Variants in DCDC1 observed in about 807,000 individuals in gnomAD.
DCDC1 encodes doublecortin domain containing 1, also known as doublecortin domain-containing protein 1.
In DCDC1, 200 loss-of-function variants were observed where a neutral mutation model predicts 178.3. The ratio of observed to expected loss-of-function variants is 1.12; its 90% confidence interval spans 1.00 to 1.26. DCDC1 has a LOEUF of 1.26. Ranked by LOEUF, DCDC1 falls within the 50% of genes most tolerant of loss-of-function variation. The pLI is 0.00. For missense variants in DCDC1, 1,983 were observed against 1,749.2 expected, an observed-to-expected ratio of 1.13 and a Z score of -2.38; for synonymous variants, 690 against 604.8, an observed-to-expected ratio of 1.14 and a Z score of -2.07.
chr11:31,059,061 G>A (rs1015204087), intron 20 of DCDC1, among the ~76,000 whole-genome samples: 5 of 151,946 alleles, frequency 3.3e-5, no homozygotes, highest in Non-Finnish European at 5.9e-5. Flanking sequence ...ATAGTACATC[G>A]TGAAAATGGA....
intron 10 of DCDC1, among the ~76,000 whole-genome samples, chr11:31,131,688 C>T (rs1316564697): frequency 6.6e-6 from 1 of 152,180 alleles, no homozygotes; most frequent in African/African-American, 2.4e-5. Flanking sequence ...AATACTGGTC[C>T]TCTCTGAACC....
At chr11:31,203,082 A>C (rs1971476788) in intron 9 of DCDC1, among the ~76,000 whole-genome samples, 1 of 152,180 alleles carries the variant, frequency 6.6e-6, no homozygotes. Context: ...AAAAATAACC[A>C]AAATTTTCAC....
intron 20 of DCDC1, among the ~76,000 whole-genome samples, chr11:31,045,637 C>T (rs1238554403): frequency 6.6e-6 from 1 of 152,084 alleles, no homozygotes; most frequent in African/African-American, 2.4e-5. Flanking sequence ...TCTAATGGTA[C>T]CATTCTTTCA....
intron 22 of DCDC1, among the ~76,000 whole-genome samples, chr11:30,930,787 A>G (rs1363137328): frequency 6.6e-6 from 1 of 152,178 alleles, no homozygotes; most frequent in Non-Finnish European, 1.5e-5. Context: ...TTACTTTTGA[A>G]GAGTCATACA....
intron 9 of DCDC1, among the ~76,000 whole-genome samples, chr11:31,227,194 G>T (rs1291771960): frequency 6.6e-6 from 1 of 152,148 alleles, no homozygotes; most frequent in Non-Finnish European, 1.5e-5. Context: ...AGTATATAAA[G>T]AAAAGAGGTT....
intron 20 of DCDC1, among the ~76,000 whole-genome samples, chr11:30,992,145 G>C (rs1951025957): frequency 6.6e-6 from 1 of 152,074 alleles, no homozygotes; most frequent in South Asian, 2.1e-4. Context: ...CTTCCCATAA[G>C]GTCTCATTTG....
At chr11:31,154,932 T>C (rs1353987041) in intron 9 of DCDC1, among the ~76,000 whole-genome samples, 4 of 152,214 alleles carry the variant, frequency 2.6e-5, no homozygotes, top group Non-Finnish European at 5.9e-5. Context: ...GTGTTCAGCC[T>C]TGTGTTCTGC....
intron 20 of DCDC1, among the ~76,000 whole-genome samples, chr11:31,042,979 T>C (rs1954576518): frequency 6.6e-6 from 1 of 152,188 alleles, no homozygotes; most frequent in Non-Finnish European, 1.5e-5. Flanking sequence ...TAGGCGACTT[T>C]GTAATTGTGA....
intron 20 of DCDC1, among the ~76,000 whole-genome samples, chr11:31,004,518 GAAAAAA>G (rs11461869): frequency 7.2e-6 from 1 of 138,266 alleles, no homozygotes; most frequent in Non-Finnish European, 1.6e-5. Flanking sequence ...CTAAACATAC[GAAAAAA>G]AAAAAAAAAT....
intron 8 of DCDC1, among the ~76,000 whole-genome samples, chr11:31,260,767 A>C (rs1944726182): frequency 6.6e-6 from 1 of 152,200 alleles, no homozygotes; most frequent in Non-Finnish European, 1.5e-5. Context: ...CAAAGAAGTT[A>C]AGAGATCAAA....
At chr11:31,312,217 A>C (rs1948812470) in intron 3 of DCDC1, among the ~76,000 whole-genome samples, 1 of 152,174 alleles carries the variant, frequency 6.6e-6, no homozygotes, top group Non-Finnish European at 1.5e-5. Flanking sequence ...CCATATTGAC[A>C]ATGATAGTAA....
chr11:30,884,925 C>T (rs747635515), intron 36 of DCDC1, among the ~76,000 whole-genome samples: 5 of 151,930 alleles, frequency 3.3e-5, no homozygotes, highest in African/African-American at 9.7e-5. Context: ...GATGATTTTA[C>T]GATGTTGAAC....
At chr11:30,988,276 C>A (rs562396700) in intron 20 of DCDC1, among the ~76,000 whole-genome samples, 49 of 151,934 alleles carry the variant, frequency 3.2e-4, no homozygotes, top group Admixed American at 1.5e-3. Flanking sequence ...TAGTGAAAAT[C>A]AAAATAAATG....
chr11:31,339,577 A>C (rs572026402), intron 1 of DCDC1, among the ~76,000 whole-genome samples: 1 of 152,178 alleles, frequency 6.6e-6, no homozygotes, highest in Non-Finnish European at 1.5e-5. Flanking sequence ...GTTAAAAAAA[A>C]TTTTATGAGA....
At chr11:31,119,570 T>C (rs776508260) in intron 11 of DCDC1, among the ~76,000 whole-genome samples, 11 of 152,214 alleles carry the variant, frequency 7.2e-5, no homozygotes, top group African/African-American at 1.2e-4. Context: ...AAAAATCTTG[T>C]CACACTTTCA....
intron 11 of DCDC1, among the ~76,000 whole-genome samples, chr11:31,113,751 A>C (rs1159868251): frequency 6.6e-6 from 1 of 152,160 alleles, no homozygotes; most frequent in East Asian, 1.9e-4. Context: ...GAGATAATCG[A>C]AAGATAATCT....
intron 7 of DCDC1, among the ~76,000 whole-genome samples, chr11:31,276,787 C>T (rs1946028869): frequency 6.6e-6 from 1 of 152,040 alleles, no homozygotes; most frequent in Non-Finnish European, 1.5e-5. Flanking sequence ...TTTGCTTGCA[C>T]TAGTAATGAA....
At chr11:30,888,056 AAGAAAG>A (rs1303719282) in intron 36 of DCDC1, among the ~76,000 whole-genome samples, 2,390 of 84,096 alleles carry the variant, frequency 0.028, 118 homozygotes, top group African/African-American at 0.097. Context: ...GAAAGAAAGA[AAGAAAG>A]AGAGAGAGAG....
chr11:30,903,753 G>T, intron 31 of DCDC1, 70 bp from the exon 32 acceptor site: 3 of 1,237,542 alleles, frequency 2.4e-6, no homozygotes, highest in Non-Finnish European at 3.2e-6. Context: ...TTAAGAGCTT[G>T]TCATTCTAAA....
Sources: gnomAD v4.1 joint callset for allele counts (sites outside exome capture counted in the v4.1 genomes callset) on GRCh38, gnomAD v4.1.1 for gene constraint, MANE v1.5 for transcripts, NCBI Gene and HGNC (gene_info 2026-07-23, HGNC 2026-07-21) for gene names.